PBX1: variants seen among roughly 807,000 people sequenced by gnomAD.
PBX1 encodes pre-B-cell leukemia transcription factor 1.
In PBX1, 6 loss-of-function variants were observed where a neutral mutation model predicts 53.4. That is an observed-to-expected ratio of 0.11 (90% CI 0.06 to 0.22). PBX1 has a LOEUF of 0.22. Ranked by LOEUF, PBX1 falls within the 10% of genes least tolerant of loss-of-function variation. The probability of loss-of-function intolerance (pLI) is 1.00; values close to 1 mark genes in which losing one functional copy is unlikely to be tolerated. For synonymous variants in PBX1, 204 were observed against 212.3 expected (o/e 0.96, Z 0.34); for missense variants, 251 against 551.4 (o/e 0.46, Z 5.46).
chr1:164,752,467 A>G (rs1666287164), intron 2 of PBX1, among the ~76,000 whole-genome samples: 2 of 152,096 alleles, frequency 1.3e-5, no homozygotes, highest in African/African-American at 4.8e-5. Context: ...ATGTGGAAGG[A>G]GGAGAGGAGG....
intron 1 of PBX1, among the ~76,000 whole-genome samples, chr1:164,561,236 A>G (rs753458226): frequency 5.9e-5 from 9 of 152,348 alleles, no homozygotes; most frequent in African/African-American, 1.7e-4. Flanking sequence ...AGACATCATT[A>G]TGTGTATTTC....
chr1:164,830,841 A>G (rs901252641), intron 8 of PBX1, among the ~76,000 whole-genome samples: 1 of 152,142 alleles, frequency 6.6e-6, no homozygotes, highest in African/African-American at 2.4e-5. Flanking sequence ...GGAGCTTGTG[A>G]GCCATGCAGA....
chr1:164,676,662 A>C (rs548151741), intron 2 of PBX1, among the ~76,000 whole-genome samples: 1 of 152,322 alleles, frequency 6.6e-6, no homozygotes, highest in African/African-American at 2.4e-5. Flanking sequence ...GCCTGGGTTC[A>C]AAGCCTGCAG....
chr1:164,797,679 C>A (rs1668855804), intron 3 of PBX1, among the ~76,000 whole-genome samples: 1 of 152,114 alleles, frequency 6.6e-6, no homozygotes, highest in Non-Finnish European at 1.5e-5. Flanking sequence ...GAGAAGTTTA[C>A]CCAGTTATCG....
At chr1:164,681,763 C>A (rs965994407) in intron 2 of PBX1, among the ~76,000 whole-genome samples, 6 of 152,162 alleles carry the variant, frequency 3.9e-5, no homozygotes, top group African/African-American at 1.4e-4. Flanking sequence ...AATTCATACA[C>A]CCATCCCCCA....
intron 2 of PBX1, among the ~76,000 whole-genome samples, chr1:164,791,078 T>C (rs181088215): frequency 3.3e-4 from 51 of 152,286 alleles, no homozygotes; most frequent in African/African-American, 1.1e-3. Context: ...CTTTAATCAC[T>C]TCCCTCTTTC....
intron 2 of PBX1, among the ~76,000 whole-genome samples, chr1:164,567,231 G>T (rs185692217): frequency 2.9e-4 from 44 of 152,238 alleles, no homozygotes; most frequent in Non-Finnish European, 3.5e-4. Context: ...GTTATGGAAG[G>T]AAGCTAGAGA....
intron 2 of PBX1, among the ~76,000 whole-genome samples, chr1:164,603,924 ATTTCATT>A (rs1656353257): frequency 8.9e-5 from 7 of 78,306 alleles, no homozygotes; most frequent in East Asian, 3.4e-4. Context: ...ACATTATGTC[ATTTCATT>A]TTTTTTTTTT....
At chr1:164,579,239 C>T (rs1215546243) in intron 2 of PBX1, among the ~76,000 whole-genome samples, 1 of 152,160 alleles carries the variant, frequency 6.6e-6, no homozygotes, top group Admixed American at 6.5e-5. Context: ...TTATACCCTA[C>T]ATTTATTATA....
intron 2 of PBX1, among the ~76,000 whole-genome samples, chr1:164,863,738 G>A (rs1672149347): frequency 6.6e-6 from 1 of 152,152 alleles, no homozygotes; most frequent in Non-Finnish European, 1.5e-5. Context: ...GCTGGAGGAG[G>A]GAATCTGGCG....
chr1:164,732,284 C>T (rs183587053), intron 2 of PBX1, among the ~76,000 whole-genome samples: 38 of 152,216 alleles, frequency 2.5e-4, no homozygotes, highest in Admixed American at 5.2e-4. Flanking sequence ...ACTCATACTG[C>T]GTGTACCTAA....
intron 2 of PBX1, among the ~76,000 whole-genome samples, chr1:164,860,504 C>T (rs560313035): frequency 6.6e-6 from 1 of 152,212 alleles, no homozygotes; most frequent in South Asian, 2.1e-4. Context: ...CTAGAAATTC[C>T]AAGCTTATTT....
intron 2 of PBX1, among the ~76,000 whole-genome samples, chr1:164,742,279 C>T (rs1008129034): frequency 6.6e-6 from 1 of 152,122 alleles, no homozygotes. Flanking sequence ...TGGTGGCTCA[C>T]GCCTGTAATC....
At chr1:164,736,703 G>GGA (rs912849668) in intron 2 of PBX1, among the ~76,000 whole-genome samples, 1 of 152,128 alleles carries the variant, frequency 6.6e-6, no homozygotes, top group African/African-American at 2.4e-5. Flanking sequence ...GACAGATGGA[G>GGA]GAGAGAGATG....
At chr1:164,582,333 A>G (rs1654668272) in intron 2 of PBX1, among the ~76,000 whole-genome samples, 1 of 152,230 alleles carries the variant, frequency 6.6e-6, no homozygotes, top group Non-Finnish European at 1.5e-5. Context: ...CAAATTGCCA[A>G]ACATTTAGAA....
chr1:164,632,935 T>C (rs1198705646), intron 2 of PBX1, among the ~76,000 whole-genome samples: 3 of 152,134 alleles, frequency 2.0e-5, no homozygotes, highest in African/African-American at 7.2e-5. Context: ...AGTTAAGACC[T>C]GGAAGAGACT....
chr1:164,761,530 C>T (rs991690541), intron 2 of PBX1, among the ~76,000 whole-genome samples: 5 of 151,932 alleles, frequency 3.3e-5, no homozygotes, highest in Non-Finnish European at 7.4e-5. Flanking sequence ...CTGCAAGCTC[C>T]GCCTCCCAGG....
intron 2 of PBX1, among the ~76,000 whole-genome samples, chr1:164,650,479 G>T (rs1659734728): frequency 1.3e-5 from 2 of 152,090 alleles, no homozygotes; most frequent in African/African-American, 2.4e-5. Flanking sequence ...GCCCGCCTCA[G>T]ACTCCCGAAG....
At chr1:164,788,240 CTTGCATGGTG>C (rs1477300041) in intron 2 of PBX1, among the ~76,000 whole-genome samples, 2 of 152,168 alleles carry the variant, frequency 1.3e-5, no homozygotes, top group African/African-American at 4.8e-5. Flanking sequence ...TCATTTGAGT[CTTGCATGGTG>C]CTGCAGAGAT....
Sources: gnomAD v4.1 joint callset for allele counts (sites outside exome capture counted in the v4.1 genomes callset) on GRCh38, gnomAD v4.1.1 for gene constraint, MANE v1.5 for transcripts, NCBI Gene and HGNC (gene_info 2026-07-23, HGNC 2026-07-21) for gene names.